UBXN7: variants seen among roughly 807,000 people sequenced by gnomAD.
The protein encoded by UBXN7 is UBX domain protein 7, also known as UBX domain-containing protein 7.
UBXN7 carries 9 observed loss-of-function variants against 58.0 expected under a neutral mutation model. That is an observed-to-expected ratio of 0.16 (90% confidence interval 0.09 to 0.27). The LOEUF (loss-of-function observed/expected upper bound fraction) is 0.27, where lower values mean the gene tolerates loss of function less well. Ranked by LOEUF, UBXN7 falls within the 10% of genes least tolerant of loss-of-function variation. The pLI is 1.00. For missense variants in UBXN7, 328 were observed against 599.6 expected, an observed-to-expected ratio of 0.55 and a Z score of 4.73; for synonymous variants, 208 against 205.0, an observed-to-expected ratio of 1.01 and a Z score of -0.12.
intron 1 of UBXN7, chr3:196,431,840 C>A: frequency 2.6e-6 from 1 of 388,958 alleles, no homozygotes; most frequent in East Asian, 7.9e-5. Context: ...GCGATGGCTC[C>A]GAGGGGCCCA....
chr3:196,401,306 CA>C, intron 3 of UBXN7, among the ~76,000 whole-genome samples: 2 of 103,198 alleles, frequency 1.9e-5, no homozygotes, highest in South Asian at 6.3e-4. Flanking sequence ...TATACACACA[CA>C]CACACACACA....
At chr3:196,404,376 A>C (rs1036628485) in intron 2 of UBXN7, among the ~76,000 whole-genome samples, 3 of 149,602 alleles carry the variant, frequency 2.0e-5, no homozygotes, top group East Asian at 2.0e-4. Flanking sequence ...CATTCTCCTG[A>C]CTCAGCCTCC....
intron 8 of UBXN7, among the ~76,000 whole-genome samples, chr3:196,363,027 C>T (rs995958864): frequency 1.3e-5 from 2 of 151,964 alleles, no homozygotes; most frequent in Admixed American, 1.3e-4. Context: ...GCCTCAGCCT[C>T]CCAAGTAGCT....
intron 5 of UBXN7, among the ~76,000 whole-genome samples, chr3:196,375,573 C>T (rs1728993864): frequency 6.6e-6 from 1 of 152,090 alleles, no homozygotes; most frequent in Non-Finnish European, 1.5e-5. Flanking sequence ...GAAAAATAAT[C>T]TCCTCATGGA....
In UBXN7 at chr3:196,419,292, TTAAATAAATAAA is replaced by T. The variant is rs756643464; in HGVS notation, c.74-11911_74-11900del. Among the ~76,000 whole-genome samples, 37 of 148,974 alleles carry T rather than the reference TTAAATAAATAAA, an allele frequency of 2.5e-4. No homozygotes were observed. The South Asian group carries it at 5.9e-3, about 24-fold the overall frequency. ...GAGCAAGACCCTGTCTCTAAATAAA[TTAAATAAATAAA>T]TAAATAAATAAATAAATAAACAATG... On this transcript the variant is annotated intron_variant, in intron 1 of 10. Coordinates refer to ENST00000296328, the MANE Select transcript of UBXN7 (RefSeq NM_015562.2).
Position 196,372,996 on chromosome 3 carries a change from C to A in UBXN7, c.469-954G>T, listed in dbSNP as rs1371808306. Among the ~76,000 whole-genome samples, 11 of 152,298 alleles carry A rather than the reference C, an allele frequency of 7.2e-5. No individual in the cohort carries two copies. In the East Asian group the frequency reaches 2.1e-3, roughly 29 times the overall value. ...AAACTCCTGACCTCAGGTGACGCAC[C>A]CATCTCAGCCTCCCAAAGTGCTGGG... On this transcript the variant is annotated intron_variant, in intron 5 of 10. Transcript: ENST00000296328.
intron 1 of UBXN7, among the ~76,000 whole-genome samples, chr3:196,420,424 A>T (rs1560244080): frequency 6.6e-6 from 1 of 151,734 alleles, no homozygotes; most frequent in Admixed American, 6.6e-5. Flanking sequence ...CCAGCTACTG[A>T]GGAGTCTGAG....
At chr3:196,399,485 G>A (rs1483551613) in intron 3 of UBXN7, among the ~76,000 whole-genome samples, 1 of 152,064 alleles carries the variant, frequency 6.6e-6, no homozygotes, top group Non-Finnish European at 1.5e-5. Context: ...TATACAGGCT[G>A]CAGTGCAGTG....
In UBXN7 at chr3:196,416,576, A is replaced by C. The variant is rs778560214; in HGVS notation, c.74-9183T>G. 8.9e-4 allele frequency among the ~76,000 whole-genome samples: 136 copies of C among 152,186 alleles called. 1 individual carries two copies. The highest frequency in any genetic ancestry group is 1.7e-3 in the Non-Finnish European group (118 of 68,038). ...CCATTTAGAGAATTTGTGGGTTCTG[A>C]TGAGAATCAGAACTTGTGAAGTCAA... On this transcript the variant is annotated intron_variant, in intron 1 of 10. Coordinates refer to ENST00000296328, the MANE Select transcript of UBXN7 (RefSeq NM_015562.2).
At chr3:196,360,128 G>A (rs182290832) in intron 10 of UBXN7, among the ~76,000 whole-genome samples, 1 of 152,310 alleles carries the variant, frequency 6.6e-6, no homozygotes, top group Non-Finnish European at 1.5e-5. Context: ...GGTTCATGAG[G>A]TTGAAGGAAA....
At position 196,371,928 on chromosome 3, in the gene UBXN7, T is replaced by A; in HGVS notation, c.583A>T (p.Asn195Tyr). Residue 195 changes from asparagine (N) to tyrosine (Y), a missense_variant, in exon 6 of 11, where the codon AAT (asparagine) becomes TAT (tyrosine). Asn to Tyr is a moderately radical substitution (Grantham distance 143). Coordinates refer to ENST00000296328, the MANE Select transcript of UBXN7 (RefSeq NM_015562.2). ...RDVWSNEAVK[N>Y]IIREHFIFWQ... Reference sequence around the variant, plus strand: ...AAAATGAAATGTTCCCGGATAATATTCTTCACAGCTTCGTTGCTCCACACA... The same window carrying A: ...AAAATGAAATGTTCCCGGATAATATACTTCACAGCTTCGTTGCTCCACACA... The A allele has an allele frequency of 1.2e-6, 2 of 1,613,234 alleles. No individual in the cohort carries two copies. The highest frequency in any genetic ancestry group is 1.7e-6 in the Non-Finnish European group (2 of 1,179,788).
At chr3:196,420,146 C>A (rs1461433486) in intron 1 of UBXN7, among the ~76,000 whole-genome samples, 3 of 152,124 alleles carry the variant, frequency 2.0e-5, no homozygotes, top group Non-Finnish European at 2.9e-5. Flanking sequence ...TATCTTACTA[C>A]AGTTAGAAGA....
At chr3:196,386,380 T>TAAAAA (rs34268326) in intron 5 of UBXN7, among the ~76,000 whole-genome samples, 74 of 57,734 alleles carry the variant, frequency 1.3e-3, no homozygotes, top group Non-Finnish European at 1.5e-3. Context: ...TAATAAACAC[T>TAAAAA]AAAAAAAAAA....
At chr3:196,425,808 A>T (rs1577482315) in intron 1 of UBXN7, among the ~76,000 whole-genome samples, 1 of 152,194 alleles carries the variant, frequency 6.6e-6, no homozygotes, top group African/African-American at 2.4e-5. Context: ...TGCAAGAAAC[A>T]TCTTCCAGAT....
intron 10 of UBXN7, among the ~76,000 whole-genome samples, chr3:196,361,258 A>G (rs1349730875): frequency 6.6e-6 from 1 of 152,160 alleles, no homozygotes; most frequent in Non-Finnish European, 1.5e-5. Context: ...CTGCAATCTC[A>G]TGATCAAACA....
At chr3:196,393,406 CAG>C in intron 4 of UBXN7, 146 bp downstream of exon 4, 2 of 667,726 alleles carry the variant, frequency 3.0e-6, no homozygotes, top group South Asian at 3.0e-5. Flanking sequence ...CAATTTAGCT[CAG>C]GGGAGAATTA....
rs550590943 is a variant in UBXN7, at chr3:196,426,773, G to A, written c.73+5554C>T. Among the ~76,000 whole-genome samples the A allele has an allele frequency of 6.6e-5, 10 of 151,996 alleles. No individual in the cohort carries two copies. In the South Asian group the frequency reaches 1.2e-3, roughly 19 times the overall value. On this transcript the variant is annotated intron_variant, in intron 1 of 10. Transcript: ENST00000296328. The stretch of plus-strand genomic sequence containing the variant: ...TGAGACAGGAGAATCGCTTGAACCC[G>A]GGAGGTGGAGGCTGCAGTGAGCCAA...
chr3:196,380,664 C>A (rs1425701057), intron 5 of UBXN7, among the ~76,000 whole-genome samples: 1 of 152,266 alleles, frequency 6.6e-6, no homozygotes, highest in African/African-American at 2.4e-5. Context: ...CGAGCTGAAG[C>A]AGGGCAGCGT....
chr3:196,394,754 T>C (rs1729718239), intron 3 of UBXN7, among the ~76,000 whole-genome samples: 2 of 152,188 alleles, frequency 1.3e-5, no homozygotes, highest in African/African-American at 4.8e-5. Context: ...TAACTCTACA[T>C]TCTAAACCAT....
Sources: gnomAD v4.1 joint callset for allele counts (sites outside exome capture counted in the v4.1 genomes callset) on GRCh38, gnomAD v4.1.1 for gene constraint, MANE v1.5 for transcripts, NCBI Gene and HGNC (gene_info 2026-07-23, HGNC 2026-07-21) for gene names.